SLC4A8: variants seen among roughly 807,000 people sequenced by gnomAD.
SLC4A8 encodes the protein electroneutral sodium bicarbonate exchanger 1.
SLC4A8 carries 40 observed loss-of-function variants against 125.0 expected under a neutral mutation model. That is an observed-to-expected ratio of 0.32 (90% CI 0.25 to 0.42). The LOEUF is 0.42. Ranked by LOEUF, SLC4A8 falls within the 10% of genes least tolerant of loss-of-function variation. The pLI, the probability that SLC4A8 is intolerant of heterozygous loss-of-function variation, is 1.00. For missense variants in SLC4A8, 863 were observed against 1,355.1 expected, an observed-to-expected ratio of 0.64 and a Z score of 5.70; for synonymous variants, 456 against 476.0, an observed-to-expected ratio of 0.96 and a Z score of 0.55.
chr12:51,457,032 G>A (rs1179993764), intron 5 of SLC4A8, among the ~76,000 whole-genome samples: 1 of 152,200 alleles, frequency 6.6e-6, no homozygotes, highest in Non-Finnish European at 1.5e-5. Context: ...AATCCCAGCT[G>A]TGCAAACTGC....
intron 12 of SLC4A8, 111 bp downstream of exon 12, chr12:51,469,899 T>C: frequency 3.2e-6 from 3 of 938,440 alleles, no homozygotes; most frequent in Non-Finnish European, 4.9e-6. Flanking sequence ...AGAGATTGGA[T>C]TTTTCCTCTG....
intron 2 of SLC4A8, among the ~76,000 whole-genome samples, chr12:51,446,662 C>T (rs1220358484): frequency 1.3e-5 from 2 of 152,168 alleles, no homozygotes; most frequent in Non-Finnish European, 2.9e-5. Context: ...CTCCCCATGC[C>T]CTGGTGAGTA....
chr12:51,432,057 C>A (rs1368609125), intron 1 of SLC4A8, among the ~76,000 whole-genome samples: 1 of 152,148 alleles, frequency 6.6e-6, no homozygotes, highest in Non-Finnish European at 1.5e-5. Flanking sequence ...AGTGAGGCAA[C>A]ATATGTAAAA....
In SLC4A8 at chr12:51,508,465, C is replaced by T. The variant is rs2292220; in HGVS notation, c.*1027C>T. On this transcript the variant is annotated 3_prime_UTR_variant, in exon 25 of 25. Coordinates refer to ENST00000453097, the MANE Select transcript of SLC4A8 (RefSeq NM_001039960.3). ...AGGATACATTCCAATTCCATCCTGG[C>T]GAGATCCAAGTGCTTACGTACTGTC... 9,615 of 152,626 alleles carry T rather than the reference C, an allele frequency of 0.063. 423 individuals carry two copies. The highest frequency in any genetic ancestry group is 0.21 in the East Asian group (1,100 of 5,174). The allele number at this position is 152,626 out of a possible 1,614,324, so 9.5% of individuals were successfully genotyped here.
At chr12:51,439,571 C>CAGCAGCACTAAGTAAAGCACTA (rs1949529531) in intron 1 of SLC4A8, among the ~76,000 whole-genome samples, 1 of 149,564 alleles carries the variant, frequency 6.7e-6, no homozygotes, top group Non-Finnish European at 1.5e-5. Flanking sequence ...CAGGAAGAGA[C>CAGCAGCACTAAGTAAAGCACTA]AGCAGCACTA....
intron 16 of SLC4A8, among the ~76,000 whole-genome samples, chr12:51,484,533 A>C (rs1038048375): frequency 1.3e-5 from 2 of 152,162 alleles, no homozygotes; most frequent in Non-Finnish European, 2.9e-5. Context: ...CAGAGAATTT[A>C]TATTGCATTC....
chr12:51,475,237 G>T (rs145562372), intron 16 of SLC4A8, 31 bp downstream of exon 16: 9 of 1,606,592 alleles, frequency 5.6e-6, no homozygotes, highest in Non-Finnish European at 7.7e-6. Flanking sequence ...TTTCTTTCAC[G>T]TTAGAATCAA....
In SLC4A8 at chr12:51,460,034, T is replaced by C. The variant is rs1950273931; in HGVS notation, c.939T>C (p.Arg313=). ...VLVGEVDILD[R]PIVAFVRLSP... ...TTGGAGAGGTGGATATTTTGGACCG[T>C]CCCATTGTTGCCTTTGTGAGGCTGT... The change falls in exon 8 of 25, where the codon CGT becomes CGC. Residue 313 remains arginine (R), a synonymous_variant. Transcript: ENST00000453097. 1 of 1,613,592 alleles carries C rather than the reference T, an allele frequency of 6.2e-7. No homozygotes were observed. Among genetic ancestry groups the C allele is most frequent in the South Asian group, 1.1e-5 (1 of 91,066 alleles).
chr12:51,440,522 A>G (rs532807526), intron 1 of SLC4A8, among the ~76,000 whole-genome samples, 186 bp from the exon 2 acceptor site: 2 of 151,962 alleles, frequency 1.3e-5, no homozygotes, highest in South Asian at 2.1e-4. Context: ...CTGCTCATTT[A>G]TAAAATGAGA....
At chr12:51,400,037 G>A (rs10876171) in intron 1 of SLC4A8, among the ~76,000 whole-genome samples, 94,696 of 151,492 alleles carry the variant, frequency 0.63, 29,652 homozygotes, top group South Asian at 0.64. Flanking sequence ...ACAGAGGTAC[G>A]AAGTGGTCCC....
At chr12:51,503,266 C>T (rs1279487688) in intron 22 of SLC4A8, among the ~76,000 whole-genome samples, 1 of 151,080 alleles carries the variant, frequency 6.6e-6, no homozygotes, top group East Asian at 1.9e-4. Context: ...ACCCTGTTGC[C>T]CAGGCTGGAG....
At chr12:51,412,626 C>T (rs1948616566) in intron 1 of SLC4A8, among the ~76,000 whole-genome samples, 1 of 152,172 alleles carries the variant, frequency 6.6e-6, no homozygotes, top group Non-Finnish European at 1.5e-5. Context: ...ATACTGCTCT[C>T]TACTTCCATA....
intron 5 of SLC4A8, among the ~76,000 whole-genome samples, chr12:51,456,133 G>A (rs1380955418): frequency 6.6e-6 from 1 of 152,168 alleles, no homozygotes; most frequent in Non-Finnish European, 1.5e-5. Flanking sequence ...GGCAGTGTCA[G>A]TAAGGGATGG....
chr12:51,499,027 A>G (rs546719905), intron 22 of SLC4A8, among the ~76,000 whole-genome samples: 1 of 150,870 alleles, frequency 6.6e-6, no homozygotes, highest in Admixed American at 6.6e-5. Flanking sequence ...TAAAAATACA[A>G]AAAAGTAGCC....
Position 51,471,535 on chromosome 12 carries a change from A to G in SLC4A8, c.1904+3A>G. ...CTGGACCACCTTAGCCTCTATTAGT[A>G]AGTGTGCTTTCTGCTTATTTTTAAA... On this transcript the variant is annotated splice_donor_region_variant and intron_variant, in intron 14 of 24. Coordinates refer to ENST00000453097, the MANE Select transcript of SLC4A8 (RefSeq NM_001039960.3). 1.9e-6 allele frequency: 3 copies of G among 1,611,936 alleles called. No individual in the cohort carries two copies. Among genetic ancestry groups the G allele is most frequent in the East Asian group, 2.2e-5 (1 of 44,866 alleles).
chr12:51,447,056 G>GTCTATCTATCTA (rs1038724217), intron 2 of SLC4A8, among the ~76,000 whole-genome samples: 10,058 of 147,108 alleles, frequency 0.068, 417 homozygotes, highest in African/African-American at 0.11. Context: ...CTGTCTGTCT[G>GTCTATCTATCTA]TCTATCTATC....
chr12:51,505,815 G>T lies in SLC4A8; in HGVS notation c.3174-20G>T. 1 of 1,092,018 alleles carries T rather than the reference G, an allele frequency of 9.2e-7. No individual in the cohort carries two copies. The highest frequency in any genetic ancestry group is 1.4e-6 in the Non-Finnish European group (1 of 712,708). 67.6% of individuals were successfully genotyped at this position (1,092,018 alleles called of 1,614,324 possible). A position where few individuals can be genotyped will look rare whatever the true frequency, so the allele number is the denominator to read the frequency against. On this transcript the variant is annotated intron_variant, in intron 23 of 24. Coordinates refer to ENST00000453097, the MANE Select transcript of SLC4A8 (RefSeq NM_001039960.3). Reference sequence around the variant, plus strand: ...TTTACTTGTATGTCTGACATTCACTGTCCTAATGATTGATTTCAGATGTGA... The same window carrying T: ...TTTACTTGTATGTCTGACATTCACTTTCCTAATGATTGATTTCAGATGTGA...
chr12:51,415,349 G>A (rs573381903), intron 1 of SLC4A8, among the ~76,000 whole-genome samples: 134 of 152,286 alleles, frequency 8.8e-4, no homozygotes, highest in African/African-American at 2.9e-3. Flanking sequence ...ATAGAATTCA[G>A]CAGGAAAGCT....
intron 11 of SLC4A8, 71 bp downstream of exon 11, chr12:51,463,785 C>CT: frequency 9.5e-7 from 1 of 1,049,096 alleles, no homozygotes; most frequent in African/African-American, 1.6e-5. Flanking sequence ...GAGGCATCTT[C>CT]TTTCTTTCAG....
Sources: allele counts gnomAD v4.1 joint callset (sites outside exome capture counted in the v4.1 genomes callset), GRCh38; gene constraint gnomAD v4.1.1; transcripts MANE v1.5; gene names NCBI Gene and HGNC (gene_info 2026-07-23, HGNC 2026-07-21).